LRP1B: variants seen among roughly 807,000 people sequenced by gnomAD.
LRP1B encodes the protein low-density lipoprotein receptor-related protein 1B.
LRP1B carries 217 observed loss-of-function variants against 556.6 expected under a neutral mutation model. The observed-to-expected ratio is 0.39, with a 90% CI of 0.35 to 0.44. LRP1B has a LOEUF of 0.44. Ranked by LOEUF, LRP1B falls within the 20% of genes least tolerant of loss-of-function variation. The pLI, the probability that LRP1B is intolerant of heterozygous loss-of-function variation, is 1.00. For missense variants in LRP1B, 5,053 were observed against 5,620.8 expected, an observed-to-expected ratio of 0.90 and a Z score of 3.23; for synonymous variants, 2,047 against 1,865.8, an observed-to-expected ratio of 1.10 and a Z score of -2.50.
chr2:142,063,880 T>C (rs1225232351), intron 1 of LRP1B, among the ~76,000 whole-genome samples: 3 of 151,596 alleles, frequency 2.0e-5, no homozygotes. Flanking sequence ...CTCCACCCTA[T>C]AAGTATTTCC....
At chr2:140,986,621 G>A (rs1402028102) in intron 17 of LRP1B, among the ~76,000 whole-genome samples, 1 of 151,990 alleles carries the variant, frequency 6.6e-6, no homozygotes, top group African/African-American at 2.4e-5. Flanking sequence ...CCTTTAAGAA[G>A]TCCTCCCAGA....
intron 2 of LRP1B, among the ~76,000 whole-genome samples, chr2:141,739,765 G>A (rs973700017): frequency 2.0e-5 from 3 of 151,128 alleles, no homozygotes; most frequent in Non-Finnish European, 2.9e-5. Context: ...TTAAAATAAG[G>A]TATTCACCCA....
intron 7 of LRP1B, among the ~76,000 whole-genome samples, chr2:141,065,419 TTC>T (rs1190248502): frequency 2.0e-5 from 3 of 152,082 alleles, no homozygotes; most frequent in African/African-American, 7.2e-5. Context: ...TAGAAAAAAT[TTC>T]TGATTCAGAA....
chr2:141,434,982 C>T (rs528900927), intron 3 of LRP1B, among the ~76,000 whole-genome samples: 7 of 151,864 alleles, frequency 4.6e-5, no homozygotes, highest in East Asian at 1.9e-4. Flanking sequence ...TCATTGTATA[C>T]GTAGTAGCTT....
At chr2:141,971,106 C>A (rs1272366033) in intron 1 of LRP1B, among the ~76,000 whole-genome samples, 1 of 151,436 alleles carries the variant, frequency 6.6e-6, no homozygotes, top group Non-Finnish European at 1.5e-5. Context: ...CTTAAGGTTA[C>A]CAAATCCTTT....
At chr2:141,324,221 C>T (rs1573806838) in intron 3 of LRP1B, among the ~76,000 whole-genome samples, 1 of 151,944 alleles carries the variant, frequency 6.6e-6, no homozygotes, top group Admixed American at 6.6e-5. Flanking sequence ...AGACCCTCTC[C>T]CAAACAGCAG....
intron 1 of LRP1B, among the ~76,000 whole-genome samples, chr2:141,887,564 C>T (rs1013077934): frequency 1.3e-5 from 2 of 152,060 alleles, no homozygotes; most frequent in Non-Finnish European, 2.9e-5. Flanking sequence ...ATGTATGAAA[C>T]AATTAAATTG....
chr2:141,684,254 C>T (rs187571266), intron 2 of LRP1B, among the ~76,000 whole-genome samples: 103 of 152,136 alleles, frequency 6.8e-4, no homozygotes, highest in Non-Finnish European at 1.1e-3. Context: ...ACATATACAC[C>T]GTGGAATACT....
At chr2:141,148,260 T>C (rs898083001) in intron 7 of LRP1B, among the ~76,000 whole-genome samples, 1 of 152,204 alleles carries the variant, frequency 6.6e-6, no homozygotes, top group Non-Finnish European at 1.5e-5. Context: ...GTCAGTCTAA[T>C]TCAGATACAT....
At chr2:141,690,438 T>TATATATAA in intron 2 of LRP1B, among the ~76,000 whole-genome samples, 1 of 130,586 alleles carries the variant, frequency 7.7e-6, no homozygotes, top group Admixed American at 7.8e-5. Flanking sequence ...TATATATATA[T>TATATATAA]ATAATTACAA....
chr2:141,156,949 A>G (rs1702082628), intron 7 of LRP1B, among the ~76,000 whole-genome samples: 1 of 152,158 alleles, frequency 6.6e-6, no homozygotes, highest in Non-Finnish European at 1.5e-5. Flanking sequence ...ACTCAGCAGA[A>G]CACCATTCCT....
intron 20 of LRP1B, among the ~76,000 whole-genome samples, chr2:140,935,083 A>G (rs541026238): frequency 1.3e-5 from 2 of 152,306 alleles, no homozygotes; most frequent in East Asian, 3.9e-4. Context: ...TTAGATTCAA[A>G]TTTCTAGTTT....
intron 35 of LRP1B, among the ~76,000 whole-genome samples, chr2:140,750,225 A>G (rs1191574513): frequency 6.6e-6 from 1 of 152,166 alleles, no homozygotes; most frequent in African/African-American, 2.4e-5. Context: ...GTGAATAAGA[A>G]TCAATGTTTC....
At chr2:142,094,092 T>C (rs569201602) in intron 1 of LRP1B, among the ~76,000 whole-genome samples, 2 of 152,106 alleles carry the variant, frequency 1.3e-5, no homozygotes, top group East Asian at 1.9e-4. Context: ...TCATTTAGCT[T>C]TCTGTGTCCC....
chr2:141,611,327 C>T (rs1688102190), intron 2 of LRP1B, among the ~76,000 whole-genome samples: 1 of 152,186 alleles, frequency 6.6e-6, no homozygotes, highest in East Asian at 1.9e-4. Flanking sequence ...AGACAAGCTG[C>T]TTAATTTGAG....
chr2:141,830,862 C>G (rs1697091052), intron 1 of LRP1B, among the ~76,000 whole-genome samples: 1 of 151,770 alleles, frequency 6.6e-6, no homozygotes, highest in Non-Finnish European at 1.5e-5. Flanking sequence ...ACAAGTGACT[C>G]CAAGAATTTG....
At chr2:141,326,944 G>A (rs945055367) in intron 3 of LRP1B, among the ~76,000 whole-genome samples, 2 of 152,030 alleles carry the variant, frequency 1.3e-5, no homozygotes, top group Non-Finnish European at 2.9e-5. Context: ...GAAATATCAC[G>A]GCAGCAGGAC....
chr2:141,953,727 A>G (rs1029936825), intron 1 of LRP1B, among the ~76,000 whole-genome samples: 1 of 152,124 alleles, frequency 6.6e-6, no homozygotes, highest in Non-Finnish European at 1.5e-5. Flanking sequence ...ACATTATAAC[A>G]TCTTTAAAAC....
At chr2:141,779,265 G>C (rs1695168522) in intron 2 of LRP1B, among the ~76,000 whole-genome samples, 2 of 152,046 alleles carry the variant, frequency 1.3e-5, no homozygotes, top group South Asian at 4.1e-4. Context: ...TCCATGAAAT[G>C]CTTTCCTATT....
Sources: allele counts gnomAD v4.1 joint callset (sites outside exome capture counted in the v4.1 genomes callset), GRCh38; gene constraint gnomAD v4.1.1; transcripts MANE v1.5; gene names NCBI Gene and HGNC (gene_info 2026-07-23, HGNC 2026-07-21).